Variants in NCKAP5 observed in about 807,000 individuals in gnomAD.
NCKAP5 encodes the protein nck-associated protein 5.
In NCKAP5, 92 loss-of-function variants were observed where a neutral mutation model predicts 167.0. That is an observed-to-expected ratio of 0.55 (90% CI 0.47 to 0.66). NCKAP5 has a LOEUF of 0.66. Among genes scored for constraint, NCKAP5 ranks in the 30% least tolerant of loss-of-function variants. The pLI is 0.00. For synonymous variants in NCKAP5, 891 were observed against 877.4 expected (o/e 1.02, Z -0.27); for missense variants, 2,378 against 2,315.0 (o/e 1.03, Z -0.56).
rs1222123628 is a variant in NCKAP5, at chr2:132,804,509, G to A, written c.808-7780C>T. Among the ~76,000 whole-genome samples the A allele has an allele frequency of 2.0e-5, 3 of 151,984 alleles. 1 individual carries two copies. Among genetic ancestry groups the A allele is most frequent in the Non-Finnish European group, 4.4e-5 (3 of 68,000 alleles). On this transcript the variant is annotated intron_variant, in intron 11 of 19. Coordinates refer to ENST00000409261, the MANE Select transcript of NCKAP5 (RefSeq NM_207363.3). Reference sequence around the variant, plus strand: ...TGAAGATTTTGCCTTTTACATGTGGGGGAACACATTTTTTCCCTCTGATTT... The same window carrying A: ...TGAAGATTTTGCCTTTTACATGTGGAGGAACACATTTTTTCCCTCTGATTT...
chr2:133,023,968 C>A (rs1429506304), intron 6 of NCKAP5, among the ~76,000 whole-genome samples: 2 of 152,148 alleles, frequency 1.3e-5, no homozygotes, highest in Admixed American at 1.3e-4. Flanking sequence ...AGGACTGGCT[C>A]TCCTGCATAT....
intron 3 of NCKAP5, among the ~76,000 whole-genome samples, chr2:133,502,726 C>T (rs966923321): frequency 6.6e-6 from 1 of 152,198 alleles, no homozygotes; most frequent in African/African-American, 2.4e-5. Context: ...AGAAGCACTG[C>T]AGACTTTTCA....
At chr2:133,015,924 T>C (rs960405002) in intron 6 of NCKAP5, among the ~76,000 whole-genome samples, 1 of 151,836 alleles carries the variant, frequency 6.6e-6, no homozygotes, top group Non-Finnish European at 1.5e-5. Context: ...AGGTAAGAAG[T>C]CCTCGCCAAT....
At chr2:133,316,842 G>A (rs1024859267) in intron 3 of NCKAP5, among the ~76,000 whole-genome samples, 3 of 152,150 alleles carry the variant, frequency 2.0e-5, no homozygotes, top group African/African-American at 7.2e-5. Flanking sequence ...TGGGCTGCAG[G>A]CTGTTGTTTG....
chr2:133,066,854 G>C (rs990073035), intron 6 of NCKAP5, among the ~76,000 whole-genome samples: 1 of 152,184 alleles, frequency 6.6e-6, no homozygotes, highest in Non-Finnish European at 1.5e-5. Flanking sequence ...ATGTAGTCTA[G>C]TGGCATCTAT....
chr2:132,728,984 T>A lies in NCKAP5; in HGVS notation c.5444-32A>T, dbSNP rs142802810. On this transcript the variant is annotated intron_variant, in intron 17 of 19. Coordinates refer to ENST00000409261, the MANE Select transcript of NCKAP5 (RefSeq NM_207363.3). ...GAGGACACGTATGTGGAATCACATA[T>A]CACCTTTCATCAACATTTTACAAGT... 435 of 1,607,794 alleles carry A rather than the reference T, an allele frequency of 2.7e-4. 3 individuals carry two copies. The African/African-American group carries it at 4.6e-3, about 17-fold the overall frequency.
intron 6 of NCKAP5, among the ~76,000 whole-genome samples, chr2:133,085,316 A>G (rs1332955320): frequency 6.6e-6 from 1 of 152,194 alleles, no homozygotes; most frequent in East Asian, 1.9e-4. Flanking sequence ...AGCATTTAAT[A>G]GAATCACAAA....
At chr2:133,645,791 A>T in the NCKAP5 span, among the ~76,000 whole-genome samples, 1 of 152,160 alleles carries the variant, frequency 6.6e-6, no homozygotes, top group Admixed American at 6.5e-5. Context: ...ATAATCACGG[A>T]TATTATGCTT....
In NCKAP5 at chr2:132,731,809, T is replaced by G; in HGVS notation, c.5371A>C (p.Thr1791Pro). 1 of 1,613,788 alleles carries G rather than the reference T, an allele frequency of 6.2e-7. No homozygotes were observed. The highest frequency in any genetic ancestry group is 8.5e-7 in the Non-Finnish European group (1 of 1,179,830). ...RPADSAIVHS[T>P]SDPIMTARGM... ...CTGGCGGTCATGATGGGGTCGGATG[T>G]GGAATGAACAATGGCGCTATCTGCA... is the stretch of plus-strand genomic sequence containing the variant. Residue 1791 changes from threonine to proline, a missense_variant, in exon 17 of 20, where the codon ACA (threonine) becomes CCA (proline). By Grantham distance (38) the Thr-to-Pro change is conservative. Around this residue, in one of 3 missense-constraint regions of NCKAP5, gnomAD observed 1,325 missense variants for 1,274.5 expected, o/e 1.04. Transcript: ENST00000409261.
intron 8 of NCKAP5, among the ~76,000 whole-genome samples, chr2:132,907,649 T>C (rs1040192067): frequency 1.3e-5 from 2 of 152,080 alleles, no homozygotes; most frequent in African/African-American, 4.8e-5. Flanking sequence ...TCTCAGTTAA[T>C]GTAATCATTC....
chr2:133,033,137 C>A (rs952328950), intron 6 of NCKAP5, among the ~76,000 whole-genome samples: 1 of 152,220 alleles, frequency 6.6e-6, no homozygotes, highest in Admixed American at 6.5e-5. Flanking sequence ...ACTCCACTCC[C>A]AGCTTTAGGT....
chr2:133,455,939 C>G (rs1260865562), intron 3 of NCKAP5, among the ~76,000 whole-genome samples: 1 of 152,112 alleles, frequency 6.6e-6, no homozygotes, highest in African/African-American at 2.4e-5. Context: ...ATTTTCTAAA[C>G]CACAGGAGCT....
intron 3 of NCKAP5, among the ~76,000 whole-genome samples, chr2:133,507,157 T>C (rs1480941365): frequency 1.3e-5 from 2 of 152,158 alleles, no homozygotes; most frequent in African/African-American, 2.4e-5. Flanking sequence ...ACTCTCAGCG[T>C]TCACCAACCC....
the NCKAP5 span, among the ~76,000 whole-genome samples, chr2:133,581,972 A>G: frequency 7.2e-5 from 11 of 152,236 alleles, no homozygotes; most frequent in African/African-American, 2.7e-4. Flanking sequence ...ATGTATACTC[A>G]ATGTATTTAC....
chr2:133,486,494 C>T (rs550658894), intron 3 of NCKAP5, among the ~76,000 whole-genome samples: 51 of 152,262 alleles, frequency 3.3e-4, no homozygotes, highest in South Asian at 3.1e-3. Context: ...ACCTGAAGTA[C>T]CTTCTTGGCA....
At chr2:133,448,937 T>A (rs2151191470) in intron 3 of NCKAP5, among the ~76,000 whole-genome samples, 1 of 152,328 alleles carries the variant, frequency 6.6e-6, no homozygotes, top group East Asian at 1.9e-4. Flanking sequence ...TTCTATAAAA[T>A]AACATAGATA....
chr2:132,724,848 A>C (rs1420439463), intron 19 of NCKAP5, among the ~76,000 whole-genome samples: 2 of 152,112 alleles, frequency 1.3e-5, no homozygotes, highest in East Asian at 3.9e-4. Flanking sequence ...AAAACTGGAA[A>C]TACACATGGC....
chr2:132,897,954 C>A (rs138106669), intron 8 of NCKAP5, among the ~76,000 whole-genome samples: 1 of 152,108 alleles, frequency 6.6e-6, no homozygotes, highest in Non-Finnish European at 1.5e-5. Flanking sequence ...GGGTGGCTAT[C>A]GTAATTCCTT....
intron 11 of NCKAP5, among the ~76,000 whole-genome samples, chr2:132,855,590 T>G (rs945264877): frequency 3.3e-5 from 5 of 152,222 alleles, no homozygotes; most frequent in African/African-American, 4.8e-5. Flanking sequence ...CAAACTTGTG[T>G]GGATGTTCTT....
Sources: gnomAD v4.1 joint callset for allele counts (sites outside exome capture counted in the v4.1 genomes callset) on GRCh38, gnomAD v4.1.1 for gene constraint, gnomAD v4.1.1 regional missense constraint, MANE v1.5 for transcripts, NCBI Gene and HGNC (gene_info 2026-07-23, HGNC 2026-07-21) for gene names.